RNFT2: variants seen among roughly 807,000 people sequenced by gnomAD.
The protein encoded by RNFT2 is E3 ubiquitin-protein ligase RNFT2.
A neutral mutation model predicts 53.0 loss-of-function variants in RNFT2; 36 were observed. The ratio of observed to expected loss-of-function variants is 0.68; its 90% confidence interval spans 0.52 to 0.90. The LOEUF (loss-of-function observed/expected upper bound fraction) is 0.90, where lower values mean the gene tolerates loss of function less well. Among genes scored for constraint, RNFT2 ranks in the 40% least tolerant of loss-of-function variants. The pLI, the probability that RNFT2 is intolerant of heterozygous loss-of-function variation, is 0.00. For missense variants in RNFT2, 514 were observed against 585.6 expected (o/e 0.88, Z 1.26); for synonymous variants, 260 against 253.2 (o/e 1.03, Z -0.26).
At chr12:116,742,638 G>T (rs564057213) in intron 3 of RNFT2, among the ~76,000 whole-genome samples, 1 of 152,034 alleles carries the variant, frequency 6.6e-6, no homozygotes, top group African/African-American at 2.4e-5. Context: ...TATTGGCTGC[G>T]TGTGTAAAAC....
In RNFT2 at chr12:116,845,742, A is replaced by G. The variant is rs373261109; in HGVS notation, c.1201-3572A>G. ...ACCCCTGGGTCCTGCCCTCCAGACC[A>G]TGATGAGAATCCAGTATGGTCTTCG... On this transcript the variant is annotated intron_variant, in intron 10 of 10. Transcript: ENST00000257575. Among the ~76,000 whole-genome samples the G allele has an allele frequency of 5.3e-5, 8 of 152,142 alleles. No individual in the cohort carries two copies. The East Asian group carries it at 1.3e-3, about 26-fold the overall frequency.
At chr12:116,836,054 G>C (rs1364801690) in intron 9 of RNFT2, 29 bp downstream of exon 9, 2 of 1,613,212 alleles carry the variant, frequency 1.2e-6, no homozygotes, top group East Asian at 2.2e-5. Context: ...GTCCCCACCA[G>C]GGTCCTGAGA....
intron 3 of RNFT2, chr12:116,748,722 C>A: frequency 2.3e-6 from 1 of 437,324 alleles, no homozygotes; most frequent in East Asian, 7.6e-5. Flanking sequence ...GACTGCAGAG[C>A]CAGCGGTCCT....
At chr12:116,749,279 T>C (rs1446453549) in intron 3 of RNFT2, among the ~76,000 whole-genome samples, 10 of 43,156 alleles carry the variant, frequency 2.3e-4, no homozygotes, top group African/African-American at 4.1e-4. Context: ...TCTTCCTCTT[T>C]CCCCCCCCAC....
intron 3 of RNFT2, among the ~76,000 whole-genome samples, chr12:116,748,497 A>AC (rs1253501758): frequency 2.0e-5 from 3 of 151,742 alleles, no homozygotes; most frequent in Non-Finnish European, 2.9e-5. Flanking sequence ...TAAATTTAAC[A>AC]CCCCCACCCC....
At position 116,836,258 on chromosome 12, in the gene RNFT2, A is replaced by T; in HGVS notation, c.1176A>T (p.Arg392=). 6.3e-7 allele frequency: 1 copy of T among 1,580,686 alleles called. No individual in the cohort carries two copies. The highest frequency in any genetic ancestry group is 1.2e-5 in the South Asian group (1 of 86,128). Reference sequence around the variant, plus strand: ...GCGCCATCTGTCAGGCCGAGTTCCGAGAGCCTCTGATTCTCCTGTGCCAGG... The same window carrying T: ...GCGCCATCTGTCAGGCCGAGTTCCGTGAGCCTCTGATTCTCCTGTGCCAGG... The part of the protein sequence containing the change: ...DICAICQAEF[R]EPLILLCQHV... The change falls in exon 10 of 11, where the codon CGA becomes CGT. Residue 392 remains arginine, a synonymous_variant. Coordinates refer to ENST00000257575, the MANE Select transcript of RNFT2 (RefSeq NM_001382266.1).
At chr12:116,789,719 G>A (rs1358575798) in intron 7 of RNFT2, among the ~76,000 whole-genome samples, 1 of 142,812 alleles carries the variant, frequency 7.0e-6, no homozygotes, top group Non-Finnish European at 1.5e-5. Flanking sequence ...AATGGGAGAA[G>A]AGTAGATGGA....
Position 116,828,032 on chromosome 12 carries a change from C to T in RNFT2, c.883-5760C>T, listed in dbSNP as rs141614443. 1.5e-3 allele frequency among the ~76,000 whole-genome samples: 232 copies of T among 152,290 alleles called. 1 individual carries two copies. The highest frequency in any genetic ancestry group is 5.1e-3 in the African/African-American group (212 of 41,578). On this transcript the variant is annotated intron_variant, in intron 7 of 10. Transcript: ENST00000257575. ...AGCCAGATGCCAGCAGGCAGGGGCT[C>T]CCAGAGACACAGGGACGTTTCATGG...
chr12:116,831,272 T>C (rs1189216899), intron 7 of RNFT2, among the ~76,000 whole-genome samples: 1 of 152,156 alleles, frequency 6.6e-6, no homozygotes, highest in African/African-American at 2.4e-5. Flanking sequence ...ATGATTAGAT[T>C]AGAATTTATT....
chr12:116,852,574 C>T lies in RNFT2; in HGVS notation c.*3126C>T. 1.9e-6 allele frequency: 3 copies of T among 1,611,968 alleles called. No homozygotes were observed. The highest frequency in any genetic ancestry group is 2.5e-6 in the Non-Finnish European group (3 of 1,178,766). ...GAATGCAGCTGCTCTGTTCTCCCTA[C>T]CCTGAGGAAAAACCAAAGGGAAGCA... On this transcript the variant is annotated 3_prime_UTR_variant, in exon 11 of 11. Coordinates refer to ENST00000257575, the MANE Select transcript of RNFT2 (RefSeq NM_001382266.1).
At chr12:116,789,705 G>A (rs936504539) in intron 7 of RNFT2, among the ~76,000 whole-genome samples, 1 of 146,620 alleles carries the variant, frequency 6.8e-6, no homozygotes. Context: ...TGGGTGGATG[G>A]ATAAATGGGA....
At chr12:116,824,267 C>T (rs1366375096) in intron 7 of RNFT2, among the ~76,000 whole-genome samples, 1 of 152,142 alleles carries the variant, frequency 6.6e-6, no homozygotes, top group Non-Finnish European at 1.5e-5. Flanking sequence ...ATGGGAAACC[C>T]AGCTGTTTCA....
chr12:116,815,518 A>G (rs546055339), intron 7 of RNFT2, among the ~76,000 whole-genome samples: 8 of 151,888 alleles, frequency 5.3e-5, no homozygotes, highest in Non-Finnish European at 1.0e-4. Context: ...CCCCTTCTCT[A>G]TCTTCAAAGT....
At position 116,851,844 on chromosome 12, in the gene RNFT2, C is replaced by T. The variant is rs543633599; in HGVS notation, c.*2396C>T. On this transcript the variant is annotated 3_prime_UTR_variant, in exon 11 of 11. Coordinates refer to ENST00000257575, the MANE Select transcript of RNFT2 (RefSeq NM_001382266.1). ...CCCAGATGTGGTTACCCCTTGGTCT[C>T]CTGTCTTTATGTCTTTCTCCTCTTC... The T allele has an allele frequency of 5.4e-5, 80 of 1,469,178 alleles. 1 individual carries two copies. The East Asian group carries it at 1.7e-3, about 31-fold the overall frequency. The allele number at this position is 1,469,178 out of a possible 1,614,324, so 91.0% of individuals were successfully genotyped here.
At chr12:116,811,407 A>C (rs1270147645) in intron 7 of RNFT2, among the ~76,000 whole-genome samples, 2 of 148,798 alleles carry the variant, frequency 1.3e-5, no homozygotes, top group African/African-American at 2.5e-5. Context: ...ACAGAGTCTC[A>C]CTCTGTCGCC....
At position 116,852,007 on chromosome 12, in the gene RNFT2, G is replaced by A. The variant is rs2137233971; in HGVS notation, c.*2559G>A. ...TTCCACCAACCAGGGTAGTGGCATGGAGCACCGTAACCATCTGTGCTTCTG... is the reference window on the plus strand; with the variant it reads ...TTCCACCAACCAGGGTAGTGGCATGAAGCACCGTAACCATCTGTGCTTCTG... On this transcript the variant is annotated 3_prime_UTR_variant, in exon 11 of 11. Coordinates refer to ENST00000257575, the MANE Select transcript of RNFT2 (RefSeq NM_001382266.1). The A allele has an allele frequency of 7.1e-7, 1 of 1,401,228 alleles. No homozygotes were observed. The highest frequency in any genetic ancestry group is 1.4e-5 in the South Asian group (1 of 68,992). The allele number at this position is 1,401,228 out of a possible 1,614,324, so 86.8% of individuals were successfully genotyped here.
At chr12:116,833,725 G>A in intron 7 of RNFT2, 67 bp from the exon 8 acceptor site, 17 of 1,575,424 alleles carry the variant, frequency 1.1e-5, no homozygotes, top group Non-Finnish European at 1.5e-5. Context: ...CGGGGCGGGG[G>A]GCCCCCCAGC....
chr12:116,786,402 C>T (rs548003487), intron 7 of RNFT2, among the ~76,000 whole-genome samples: 127 of 152,208 alleles, frequency 8.3e-4, no homozygotes, highest in South Asian at 2.3e-3. Context: ...TGAGCCACCG[C>T]GCCCGGCCGA....
At position 116,739,533 on chromosome 12, in the gene RNFT2, G is replaced by A. The variant is rs567093430; in HGVS notation, c.-153-812G>A. 1.8e-4 allele frequency among the ~76,000 whole-genome samples: 27 copies of A among 152,330 alleles called. No homozygotes were observed. The South Asian group carries it at 5.4e-3, about 30-fold the overall frequency. On this transcript the variant is annotated intron_variant, in intron 1 of 10. Coordinates refer to ENST00000257575, the MANE Select transcript of RNFT2 (RefSeq NM_001382266.1). ...AATATAAAACAGGGCAATATTACGG[G>A]GAGTCAGGAGAATGAGAAGAGAAGG... is the stretch of plus-strand genomic sequence containing the variant.
Sources: allele counts gnomAD v4.1 joint callset (sites outside exome capture counted in the v4.1 genomes callset), GRCh38; gene constraint gnomAD v4.1.1; transcripts MANE v1.5; gene names NCBI Gene and HGNC (gene_info 2026-07-23, HGNC 2026-07-21).